The following PDE4D variants were observed in gnomAD, a reference collection of about 807,000 sequenced individuals.
The protein encoded by PDE4D is 3',5'-cyclic-AMP phosphodiesterase 4D.
In PDE4D, 24 loss-of-function variants were observed where a neutral mutation model predicts 87.4. The observed-to-expected ratio is 0.27, with a 90% CI of 0.20 to 0.39. The LOEUF (loss-of-function observed/expected upper bound fraction) is 0.39, where lower values mean the gene tolerates loss of function less well. Ranked by LOEUF, PDE4D falls within the 10% of genes least tolerant of loss-of-function variation. The pLI is 1.00. For synonymous variants in PDE4D, 384 were observed against 383.2 expected, an observed-to-expected ratio of 1.00 and a Z score of -0.02; for missense variants, 714 against 1,041.0, an observed-to-expected ratio of 0.69 and a Z score of 4.32.
intron 1 of PDE4D, among the ~76,000 whole-genome samples, chr5:59,464,496 C>T (rs1339939991): frequency 4.6e-5 from 7 of 152,216 alleles, no homozygotes; most frequent in East Asian, 1.9e-4. Context: ...CCTTTGTTCA[C>T]GTGTTTGTCT....
intron 1 of PDE4D, among the ~76,000 whole-genome samples, chr5:59,232,436 T>C (rs1430546238): frequency 6.6e-6 from 1 of 151,262 alleles, no homozygotes; most frequent in Non-Finnish European, 1.5e-5. Flanking sequence ...GTACTCAACA[T>C]TACTAATCAT....
chr5:60,319,165 T>G (rs960517073), intron 1 of PDE4D, among the ~76,000 whole-genome samples: 2 of 152,218 alleles, frequency 1.3e-5, no homozygotes, highest in African/African-American at 4.8e-5. Context: ...CCCATACTTC[T>G]TGGAGGCTTT....
intron 1 of PDE4D, among the ~76,000 whole-genome samples, chr5:59,536,881 C>T (rs1351492412): frequency 6.6e-6 from 1 of 152,160 alleles, no homozygotes; most frequent in Non-Finnish European, 1.5e-5. Context: ...AATAAGACTT[C>T]AGTTTTAAAT....
intron 1 of PDE4D, among the ~76,000 whole-genome samples, chr5:59,652,482 TAAC>T (rs1743670820): frequency 1.3e-5 from 2 of 152,184 alleles, no homozygotes; most frequent in Non-Finnish European, 2.9e-5. Context: ...TCAGGATGTG[TAAC>T]AATAAGCATT....
At chr5:59,390,825 G>T (rs1788090436) in intron 1 of PDE4D, among the ~76,000 whole-genome samples, 1 of 152,084 alleles carries the variant, frequency 6.6e-6, no homozygotes, top group South Asian at 2.1e-4. Context: ...CCTCCCATTA[G>T]ATAAGGCTAG....
At chr5:59,461,764 A>T (rs1800819293) in intron 1 of PDE4D, among the ~76,000 whole-genome samples, 1 of 151,806 alleles carries the variant, frequency 6.6e-6, no homozygotes, top group Non-Finnish European at 1.5e-5. Flanking sequence ...TTAGACCCCC[A>T]ATTTATTTCT....
At chr5:60,347,595 AT>A (rs1457407797) in intron 1 of PDE4D, among the ~76,000 whole-genome samples, 1 of 152,172 alleles carries the variant, frequency 6.6e-6, no homozygotes, top group Non-Finnish European at 1.5e-5. Context: ...AAAATGCTGG[AT>A]AAAATATTCT....
At position 59,202,033 on chromosome 5, in the gene PDE4D, AT is replaced by A. The variant is rs10641798; in HGVS notation, c.648-8498del. Among the ~76,000 whole-genome samples the A allele has an allele frequency of 2.8e-3, 262 of 95,250 alleles. 1 individual carries two copies. Among genetic ancestry groups the A allele is most frequent in the African/African-American group, 9.7e-3 (226 of 23,360 alleles). The allele number at this position is 95,250 out of a possible 152,430, so 62.5% of individuals were successfully genotyped here. A position where few individuals can be genotyped will look rare whatever the true frequency, so the allele number is the denominator to read the frequency against. On this transcript the variant is annotated intron_variant, in intron 2 of 14. Coordinates refer to ENST00000340635, the MANE Select transcript of PDE4D (RefSeq NM_001104631.2). Reference sequence around the variant, plus strand: ...ATGCAGCTTTTCTGGTGTTTTGATCATTTTTTTTTTTTTTTTTTTTTCTGAG... The same window carrying A: ...ATGCAGCTTTTCTGGTGTTTTGATCATTTTTTTTTTTTTTTTTTTTCTGAG...
intron 1 of PDE4D, chr5:59,586,865 A>C: frequency 1.0e-6 from 1 of 985,432 alleles, no homozygotes; most frequent in Non-Finnish European, 1.2e-6. Flanking sequence ...TTAGAAATGA[A>C]TATTGCTTTT....
intron 5 of PDE4D, among the ~76,000 whole-genome samples, chr5:59,073,758 A>G (rs1209333680): frequency 1.3e-5 from 2 of 152,208 alleles, no homozygotes; most frequent in East Asian, 3.9e-4. Flanking sequence ...AGATATAAGC[A>G]TATGATGAAT....
intron 1 of PDE4D, among the ~76,000 whole-genome samples, chr5:60,256,516 T>C (rs756487923): frequency 7.2e-5 from 11 of 151,934 alleles, no homozygotes; most frequent in Non-Finnish European, 1.3e-4. Context: ...GATCACAATT[T>C]GAATCTCATG....
intron 1 of PDE4D, among the ~76,000 whole-genome samples, chr5:60,204,092 G>A (rs1334667938): frequency 1.3e-5 from 2 of 152,148 alleles, no homozygotes; most frequent in Admixed American, 6.5e-5. Flanking sequence ...AAAGAAGAAA[G>A]CACCACATTG....
chr5:59,669,169 C>G (rs1208369483), intron 1 of PDE4D, among the ~76,000 whole-genome samples: 2 of 152,120 alleles, frequency 1.3e-5, no homozygotes, highest in Non-Finnish European at 2.9e-5. Context: ...GATCTTGGCT[C>G]ACTGCAACCT....
intron 1 of PDE4D, among the ~76,000 whole-genome samples, chr5:60,443,611 T>C (rs1251285406): frequency 6.6e-6 from 1 of 151,922 alleles, no homozygotes; most frequent in Non-Finnish European, 1.5e-5. Flanking sequence ...TTGCCCAGAG[T>C]AAGACAGTGG....
At chr5:59,600,309 C>G (rs1827316024) in intron 1 of PDE4D, among the ~76,000 whole-genome samples, 1 of 152,206 alleles carries the variant, frequency 6.6e-6, no homozygotes, top group Non-Finnish European at 1.5e-5. Context: ...TTCACAAGTT[C>G]TTGCTCAGGC....
chr5:59,563,162 G>A (rs867770545), intron 1 of PDE4D, among the ~76,000 whole-genome samples: 2 of 152,202 alleles, frequency 1.3e-5, no homozygotes, highest in African/African-American at 4.8e-5. Flanking sequence ...GGTGGCAACA[G>A]GTGTCAGACA....
intron 1 of PDE4D, among the ~76,000 whole-genome samples, chr5:59,794,686 A>C (rs1766250935): frequency 6.6e-6 from 1 of 152,212 alleles, no homozygotes. Flanking sequence ...AAAATATAAT[A>C]AAACAAACAA....
intron 1 of PDE4D, among the ~76,000 whole-genome samples, chr5:60,215,730 A>G (rs1272650830): frequency 6.6e-6 from 1 of 152,162 alleles, no homozygotes; most frequent in Non-Finnish European, 1.5e-5. Context: ...GACCTATGTT[A>G]TCATAAACTC....
At chr5:60,261,561 T>A (rs1316848074) in intron 1 of PDE4D, among the ~76,000 whole-genome samples, 1 of 152,166 alleles carries the variant, frequency 6.6e-6, no homozygotes, top group Admixed American at 6.6e-5. Flanking sequence ...AGAATATGTA[T>A]GTTTTTGGCT....
Sources: gnomAD v4.1 joint callset for allele counts (sites outside exome capture counted in the v4.1 genomes callset) on GRCh38, gnomAD v4.1.1 for gene constraint, MANE v1.5 for transcripts, NCBI Gene and HGNC (gene_info 2026-07-23, HGNC 2026-07-21) for gene names.